Variants in SYT1 observed in about 807,000 individuals in gnomAD.
SYT1 encodes the protein synaptotagmin 1.
Under a neutral mutation model 44.8 loss-of-function variants are expected in SYT1, and 8 were observed. The ratio of observed to expected loss-of-function variants is 0.18; its 90% CI spans 0.10 to 0.32. The LOEUF (loss-of-function observed/expected upper bound fraction) is 0.32. SYT1 is among the 10% of genes least tolerant of loss of function. SYT1 has a pLI of 1.00. For synonymous variants in SYT1, 154 were observed against 188.8 expected (o/e 0.82, Z 1.51); for missense variants, 286 against 509.3 (o/e 0.56, Z 4.22).
chr12:79,206,993 T>C (rs1368492018), intron 3 of SYT1, among the ~76,000 whole-genome samples: 3 of 152,212 alleles, frequency 2.0e-5, no homozygotes, highest in Admixed American at 1.3e-4. Flanking sequence ...TCTGTGACAA[T>C]GAGCATGTTT....
intron 8 of SYT1, among the ~76,000 whole-genome samples, chr12:79,351,588 G>A (rs190822754): frequency 6.2e-4 from 92 of 149,526 alleles, no homozygotes; most frequent in African/African-American, 2.0e-3. Flanking sequence ...CAGCAATTTT[G>A]TTCATTTACA....
chr12:78,934,754 T>C (rs1378033191), intron 1 of SYT1, among the ~76,000 whole-genome samples: 1 of 152,236 alleles, frequency 6.6e-6, no homozygotes, highest in East Asian at 1.9e-4. Context: ...TGAAATTTAC[T>C]ACACAAATAA....
In SYT1 at chr12:78,888,799, T is replaced by C. The variant is rs543418951; in HGVS notation, c.-217+23690T>C. Among the ~76,000 whole-genome samples, 1,168 of 152,028 alleles carry C rather than the reference T, an allele frequency of 7.7e-3. 16 individuals are homozygous for C. The highest frequency in any genetic ancestry group is 0.027 in the African/African-American group (1,131 of 41,524). ...TTTGCATTCAAGCAAATCCTCCTCCTTCCTCCTGCTCACTGTCACTTCTAT... is the reference window on the plus strand; with the variant it reads ...TTTGCATTCAAGCAAATCCTCCTCCCTCCTCCTGCTCACTGTCACTTCTAT... On this transcript the variant is annotated intron_variant, in intron 1 of 10. Coordinates refer to ENST00000261205, the MANE Select transcript of SYT1 (RefSeq NM_005639.3).
intron 8 of SYT1, among the ~76,000 whole-genome samples, chr12:79,344,182 T>G (rs1882501366): frequency 6.6e-6 from 1 of 152,176 alleles, no homozygotes; most frequent in African/African-American, 2.4e-5. Context: ...ATACAGACAT[T>G]CCCTGAACTT....
At chr12:78,885,891 G>A (rs1249358498) in intron 1 of SYT1, among the ~76,000 whole-genome samples, 1 of 151,978 alleles carries the variant, frequency 6.6e-6, no homozygotes, top group East Asian at 1.9e-4. Flanking sequence ...AGGGAATTTG[G>A]ACTTTGTTGG....
At chr12:79,035,016 T>A (rs1873039779) in intron 2 of SYT1, among the ~76,000 whole-genome samples, 1 of 151,662 alleles carries the variant, frequency 6.6e-6, no homozygotes, top group Non-Finnish European at 1.5e-5. Context: ...CTGTAATTTT[T>A]GTCCTTACTG....
intron 3 of SYT1, among the ~76,000 whole-genome samples, chr12:79,092,729 A>G (rs559089229): frequency 3.3e-4 from 50 of 151,802 alleles, no homozygotes; most frequent in African/African-American, 1.2e-3. Context: ...ACTATATTCA[A>G]TGGTACTTGT....
Position 79,090,564 on chromosome 12 carries a change from G to A in SYT1, c.-18+43202G>A, listed in dbSNP as rs1032933713. Among the ~76,000 whole-genome samples, 6 of 151,992 alleles carry A rather than the reference G, an allele frequency of 3.9e-5. No homozygotes were observed. The East Asian group carries it at 1.2e-3, about 30-fold the overall frequency. On this transcript the variant is annotated intron_variant, in intron 3 of 10. Transcript: ENST00000261205. ...ATCATAATTTTCTAGATAATAAGTT[G>A]GTTTAGGAGTGAAGGGAATTTTTCT...
At chr12:79,333,962 T>G (rs1881973612) in intron 8 of SYT1, among the ~76,000 whole-genome samples, 2 of 152,196 alleles carry the variant, frequency 1.3e-5, no homozygotes, top group South Asian at 4.1e-4. Context: ...CCAATAAACT[T>G]TATACATGGT....
chr12:79,291,899 C>A, intron 5 of SYT1, 109 bp from the exon 6 acceptor site: 1 of 1,286,278 alleles, frequency 7.8e-7, no homozygotes, highest in Non-Finnish European at 1.1e-6. Flanking sequence ...AGATTTCCAG[C>A]ATCTTAGTGC....
At chr12:79,400,980 A>G (rs781524895) in intron 9 of SYT1, among the ~76,000 whole-genome samples, 3 of 152,230 alleles carry the variant, frequency 2.0e-5, no homozygotes, top group Non-Finnish European at 4.4e-5. Flanking sequence ...GGGACATGTC[A>G]TCTGGGCATT....
At chr12:79,242,652 G>A (rs186196264) in intron 4 of SYT1, among the ~76,000 whole-genome samples, 1 of 152,264 alleles carries the variant, frequency 6.6e-6, no homozygotes, top group East Asian at 1.9e-4. Context: ...TATTAACCAA[G>A]ATTATTCAAC....
At chr12:79,183,979 A>G (rs1221806199) in intron 3 of SYT1, among the ~76,000 whole-genome samples, 1 of 152,054 alleles carries the variant, frequency 6.6e-6, no homozygotes, top group African/African-American at 2.4e-5. Context: ...TCCGCCAGCC[A>G]CCATTTTTCT....
intron 1 of SYT1, among the ~76,000 whole-genome samples, chr12:78,914,909 C>T (rs533304672): frequency 9.5e-4 from 145 of 152,028 alleles, no homozygotes; most frequent in African/African-American, 3.5e-3. Context: ...ATTACAAATG[C>T]CACATTAGTC....
chr12:78,947,331 G>A (rs914092311), intron 1 of SYT1, among the ~76,000 whole-genome samples: 7 of 152,050 alleles, frequency 4.6e-5, no homozygotes, highest in African/African-American at 1.7e-4. Context: ...TTTTCCTGAA[G>A]GAAACATCAC....
At chr12:79,198,197 C>T (rs1873574410) in intron 3 of SYT1, among the ~76,000 whole-genome samples, 1 of 152,102 alleles carries the variant, frequency 6.6e-6, no homozygotes, top group South Asian at 2.1e-4. Flanking sequence ...TTAGTACTTA[C>T]ATTGTCTTTC....
At chr12:79,419,718 C>T (rs1868986004) in intron 9 of SYT1, among the ~76,000 whole-genome samples, 1 of 152,074 alleles carries the variant, frequency 6.6e-6, no homozygotes, top group East Asian at 1.9e-4. Context: ...AACCTAACAT[C>T]TATAATCAAA....
At chr12:79,070,817 A>G (rs914674857) in intron 3 of SYT1, among the ~76,000 whole-genome samples, 9 of 152,136 alleles carry the variant, frequency 5.9e-5, no homozygotes, top group Admixed American at 1.3e-4. Flanking sequence ...CGAAACCTCA[A>G]TATCATGCAG....
At chr12:78,907,403 A>G (rs1002570607) in intron 1 of SYT1, among the ~76,000 whole-genome samples, 6 of 152,006 alleles carry the variant, frequency 3.9e-5, no homozygotes, top group Non-Finnish European at 5.9e-5. Context: ...AATATATTAC[A>G]TAATACATAA....
Sources: gnomAD v4.1 joint callset for allele counts (sites outside exome capture counted in the v4.1 genomes callset) on GRCh38, gnomAD v4.1.1 for gene constraint, MANE v1.5 for transcripts, NCBI Gene and HGNC (gene_info 2026-07-23, HGNC 2026-07-21) for gene names.